The following FMO2 variants were observed in gnomAD, a reference collection of about 807,000 sequenced individuals.
FMO2 encodes flavin-containing monooxygenase 2.
Under a neutral mutation model 41.6 loss-of-function variants are expected in FMO2, and 33 were observed. That is an observed-to-expected ratio of 0.79 (90% confidence interval 0.60 to 1.06). FMO2 has a LOEUF of 1.06. FMO2 is among the 50% of genes least tolerant of loss of function. The pLI, the probability that FMO2 is intolerant of heterozygous loss-of-function variation, is 0.00. For synonymous variants in FMO2, 214 were observed against 219.6 expected, an observed-to-expected ratio of 0.97 and a Z score of 0.23; for missense variants, 619 against 632.9, an observed-to-expected ratio of 0.98 and a Z score of 0.23.
chr1:171,193,633 G>A, intron 3 of FMO2, 110 bp downstream of exon 3: 1 of 743,946 alleles, frequency 1.3e-6, no homozygotes. Context: ...CCCATTCTAA[G>A]TATTTGTTGA....
At chr1:171,191,494 G>C (rs945208308) in intron 2 of FMO2, among the ~76,000 whole-genome samples, 1 of 152,156 alleles carries the variant, frequency 6.6e-6, no homozygotes, top group Admixed American at 6.5e-5. Flanking sequence ...ATATTCTTAA[G>C]TATGTATTTT....
chr1:171,205,350 A>C lies in FMO2; in HGVS notation c.899A>C (p.Lys300Thr). The C allele has an allele frequency of 1.2e-6, 2 of 1,613,878 alleles. No individual in the cohort carries two copies. Among genetic ancestry groups the C allele is most frequent in the South Asian group, 2.2e-5 (2 of 91,066 alleles). Residue 300 changes from lysine (K) to threonine (T), a missense_variant, in exon 7 of 9, where the codon AAA becomes ACA. By Grantham distance (78) the Lys-to-Thr change is moderately conservative. Coordinates refer to ENST00000209929, the MANE Select transcript of FMO2 (RefSeq NM_001460.5). ...SRLLCGAIKV[K>T]STVKELTETS... Reference sequence around the variant, plus strand: ...CTACTCTGTGGAGCCATCAAGGTGAAATCTACAGTGAAAGAGCTCACAGAA... The same window carrying C: ...CTACTCTGTGGAGCCATCAAGGTGACATCTACAGTGAAAGAGCTCACAGAA...
rs1658873741 is a variant in FMO2, at chr1:171,208,957, CG to C, written c.1421del (p.Arg474ProfsTer23). ...YFGPCNSYQY[R>X]LVGPGQWEGA... The stretch of plus-strand genomic sequence containing the variant: ...CGGACCCTGCAACTCCTATCAGTAT[CG>C]CCTGGTTGGGCCTGGGCAATGGGAA... On this transcript the variant is annotated frameshift_variant, in exon 9 of 9. Transcript: ENST00000209929. LOFTEE classifies it low-confidence loss of function (END_TRUNC). 11 of 1,612,890 alleles carry C rather than the reference CG, an allele frequency of 6.8e-6. No individual in the cohort carries two copies. Among genetic ancestry groups the C allele is most frequent in the Non-Finnish European group, 7.6e-6 (9 of 1,179,402 alleles).
rs767878211 is a variant in FMO2, at chr1:171,208,762, G to A, written c.1257-32G>A. On this transcript the variant is annotated intron_variant, in intron 8 of 8. Coordinates refer to ENST00000209929, the MANE Select transcript of FMO2 (RefSeq NM_001460.5). The stretch of plus-strand genomic sequence containing the variant: ...TATTCTAGAAAACTTAGAACATTCT[G>A]TGAACATTCCCTTTTTACTTTCTTC... 2.5e-6 allele frequency: 4 copies of A among 1,608,244 alleles called. No individual in the cohort carries two copies. The Admixed American group carries it at 5.0e-5, about 20-fold the overall frequency.
intron 2 of FMO2, among the ~76,000 whole-genome samples, chr1:171,191,784 G>T (rs1379542795): frequency 6.6e-6 from 1 of 151,148 alleles, no homozygotes; most frequent in Non-Finnish European, 1.5e-5. Flanking sequence ...AGCACTTTAG[G>T]GTGTTGAGGT....
At chr1:171,196,023 C>A (rs28369859) in intron 3 of FMO2, among the ~76,000 whole-genome samples, 645 of 152,310 alleles carry the variant, frequency 4.2e-3, no homozygotes, top group African/African-American at 0.015. Flanking sequence ...ATGCCAATTG[C>A]ATGATCACTT....
At chr1:171,206,098 C>A (rs1336391143) in intron 7 of FMO2, among the ~76,000 whole-genome samples, 2 of 152,160 alleles carry the variant, frequency 1.3e-5, no homozygotes, top group African/African-American at 4.8e-5. Flanking sequence ...TGTAGCACTT[C>A]ATACTCCTCA....
chr1:171,195,240 AG>A (rs1441676041), intron 3 of FMO2, among the ~76,000 whole-genome samples: 1 of 152,228 alleles, frequency 6.6e-6, no homozygotes, highest in Non-Finnish European at 1.5e-5. Flanking sequence ...CTCGAGAAGC[AG>A]GCAAACTGTA....
intron 2 of FMO2, among the ~76,000 whole-genome samples, chr1:171,187,627 CAAAAAAAAAAAAAAAA>C (rs765479366): frequency 1.2e-5 from 1 of 82,618 alleles, no homozygotes; most frequent in Non-Finnish European, 2.6e-5. Context: ...AACCTGCCAC[CAAAAAAAAAAAAAAAA>C]AAAAAAAAAA....
rs1356026503 is a variant in FMO2 at position 171,204,051 on chromosome 1, G to C, written c.814G>C (p.Glu272Gln). ...RWFNHENYGL[E>Q]PQNKYIMKEP... ...GTTCAACCATGAAAATTATGGCCTT[G>C]AGCCTCAAAACAAGTAGAGTTATTT... The change falls in exon 6 of 9, where the codon GAG (glutamate) becomes CAG (glutamine). Residue 272 changes from glutamate (E) to glutamine (Q), a missense_variant. By Grantham distance (29) the Glu-to-Gln change is conservative. Transcript: ENST00000209929. 2.5e-6 allele frequency: 4 copies of C among 1,613,396 alleles called. No individual in the cohort carries two copies. Among genetic ancestry groups the C allele is most frequent in the East Asian group, 4.5e-5 (2 of 44,846 alleles).
rs781690572 is a variant in FMO2, at chr1:171,196,778, A to G, written c.451A>G (p.Ile151Val). 4 of 1,613,496 alleles carry G rather than the reference A, an allele frequency of 2.5e-6. No individual in the cohort carries two copies. The highest frequency in any genetic ancestry group is 3.4e-6 in the Non-Finnish European group (4 of 1,179,830). ...DAVMVCSGHHILPHIPLKSFP... is the reference protein window; with the variant it reads ...DAVMVCSGHHVLPHIPLKSFP... ...AGTTATGGTTTGCAGTGGCCACCAC[A>G]TTCTACCTCATATCCCACTGAAGTC... is the stretch of plus-strand genomic sequence containing the variant. The change falls in exon 4 of 9, where the codon ATT (isoleucine) becomes GTT (valine). Residue 151 changes from isoleucine (I) to valine (V), a missense_variant. Physicochemically the swap from Ile to Val is conservative, Grantham distance 29 (BLOSUM62 3). Transcript: ENST00000209929.
At chr1:171,208,057 A>T (rs1658837420) in intron 8 of FMO2, among the ~76,000 whole-genome samples, 1 of 152,180 alleles carries the variant, frequency 6.6e-6, no homozygotes, top group African/African-American at 2.4e-5. Flanking sequence ...GCTTAATTTC[A>T]TTTCAGTTGT....
chr1:171,193,575 T>C, intron 3 of FMO2, 52 bp downstream of exon 3: 1 of 1,183,034 alleles, frequency 8.5e-7, no homozygotes. Flanking sequence ...AGCTCATATT[T>C]AGATAGAAAA....
At chr1:171,206,135 G>C (rs959105985) in intron 7 of FMO2, among the ~76,000 whole-genome samples, 6 of 152,100 alleles carry the variant, frequency 3.9e-5, no homozygotes, top group African/African-American at 1.4e-4. Flanking sequence ...CTGCCTCCAG[G>C]GTTCAATTCT....
chr1:171,203,742 T>C, intron 5 of FMO2, 123 bp from the exon 6 acceptor site: 1 of 810,030 alleles, frequency 1.2e-6, no homozygotes, highest in South Asian at 1.7e-5. Flanking sequence ...TTGAGGTCAA[T>C]CATCTTTAAA....
In FMO2 at chr1:171,196,792, C is replaced by T. The variant is rs1426702949; in HGVS notation, c.465C>T (p.Ile155=). ...GTGGCCACCACATTCTACCTCATAT[C>T]CCACTGAAGTCATTTCCAGGTGAGA... ...VCSGHHILPH[I]PLKSFPGMER... The change falls in exon 4 of 9, where the codon ATC becomes ATT. Residue 155 remains isoleucine (I), a synonymous_variant. Coordinates refer to ENST00000209929, the MANE Select transcript of FMO2 (RefSeq NM_001460.5). The T allele has an allele frequency of 6.2e-7, 1 of 1,613,046 alleles. No individual in the cohort carries two copies. Among genetic ancestry groups the T allele is most frequent in the Non-Finnish European group, 8.5e-7 (1 of 1,179,674 alleles).
rs1658874208 is a variant in FMO2 at position 171,208,973 on chromosome 1, G to A, written c.1436G>A (p.Gly479Glu). The A allele has an allele frequency of 2.5e-6, 4 of 1,603,638 alleles. No homozygotes were observed. The highest frequency in any genetic ancestry group is 3.4e-6 in the Non-Finnish European group (4 of 1,174,192). The change falls in exon 9 of 9, where the codon GGG becomes GAG. Residue 479 changes from glycine to glutamate, a missense_variant. Coordinates refer to ENST00000209929, the MANE Select transcript of FMO2 (RefSeq NM_001460.5). The part of the protein sequence containing the change: ...NSYQYRLVGP[G>E]QWEGARNAIF... ...TATCAGTATCGCCTGGTTGGGCCTG[G>A]GCAATGGGAAGGAGCCAGAAATGCC...
intron 6 of FMO2, among the ~76,000 whole-genome samples, chr1:171,204,668 A>T (rs1005481978): frequency 6.6e-6 from 1 of 152,178 alleles, no homozygotes; most frequent in African/African-American, 2.4e-5. Flanking sequence ...ATCTGACATA[A>T]GTGCCACGTA....
chr1:171,188,366 A>G (rs903066801), intron 2 of FMO2, among the ~76,000 whole-genome samples: 6 of 152,234 alleles, frequency 3.9e-5, no homozygotes, highest in African/African-American at 1.4e-4. Context: ...TTAAAACCTG[A>G]TTAATTAGGC....
Sources: allele counts gnomAD v4.1 joint callset (sites outside exome capture counted in the v4.1 genomes callset), GRCh38; gene constraint gnomAD v4.1.1; transcripts MANE v1.5; gene names NCBI Gene and HGNC (gene_info 2026-07-23, HGNC 2026-07-21).